Variants in MYH9 observed in about 807,000 individuals in gnomAD.
The protein encoded by MYH9 is myosin-9.
A neutral mutation model predicts 241.9 loss-of-function variants in MYH9; 29 were observed. The observed-to-expected ratio is 0.12, with a 90% CI of 0.09 to 0.16. MYH9 has a LOEUF of 0.16. MYH9 is among the 10% of genes least tolerant of loss of function. The pLI is 1.00. For missense variants in MYH9, 1,803 were observed against 2,595.5 expected (o/e 0.69, Z 6.63); for synonymous variants, 1,047 against 1,062.6 (o/e 0.99, Z 0.29).
At chr22:36,351,108 G>A (rs1052574340) in intron 1 of MYH9, among the ~76,000 whole-genome samples, 1 of 152,216 alleles carries the variant, frequency 6.6e-6, no homozygotes, top group Non-Finnish European at 1.5e-5. Flanking sequence ...CTTTTCATCT[G>A]GGCTCATTAG....
intron 1 of MYH9, among the ~76,000 whole-genome samples, chr22:36,372,100 C>T (rs2018098777): frequency 6.6e-6 from 1 of 152,070 alleles, no homozygotes; most frequent in Admixed American, 6.6e-5. Context: ...AAGTCACCCA[C>T]TCCCTGCCCC....
At chr22:36,360,335 T>A (rs1453629439) in intron 1 of MYH9, among the ~76,000 whole-genome samples, 3 of 151,860 alleles carry the variant, frequency 2.0e-5, no homozygotes, top group Non-Finnish European at 4.4e-5. Flanking sequence ...CGTGGCCGAG[T>A]AAGGATGGAA....
At chr22:36,337,008 C>T (rs2146380063) in intron 3 of MYH9, among the ~76,000 whole-genome samples, 1 of 152,358 alleles carries the variant, frequency 6.6e-6, no homozygotes, top group South Asian at 2.1e-4. Context: ...CGGCAGACAG[C>T]ACTAATCCAT....
At chr22:36,286,450 G>A (rs1162494403) in intron 35 of MYH9, among the ~76,000 whole-genome samples, 10 of 152,214 alleles carry the variant, frequency 6.6e-5, no homozygotes, top group Non-Finnish European at 8.8e-5. Context: ...TTCTCACCAG[G>A]CAGCATTCAC....
chr22:36,338,111 C>A (rs2017527386), intron 3 of MYH9, among the ~76,000 whole-genome samples: 1 of 152,070 alleles, frequency 6.6e-6, no homozygotes, highest in Admixed American at 6.6e-5. Flanking sequence ...AATTCTCATG[C>A]CTCAGCCTCC....
At chr22:36,310,804 A>G (rs2017050013) in intron 14 of MYH9, among the ~76,000 whole-genome samples, 1 of 152,214 alleles carries the variant, frequency 6.6e-6, no homozygotes, top group South Asian at 2.1e-4. Context: ...AAATAATCCC[A>G]CAGCAAAAGC....
At chr22:36,312,265 A>T in intron 13 of MYH9, 43 bp from the exon 14 acceptor site, 1 of 1,605,588 alleles carries the variant, frequency 6.2e-7, no homozygotes, top group Non-Finnish European at 8.5e-7. Context: ...GCACCCTGGG[A>T]GGGGCACCCC....
At chr22:36,323,432 C>T (rs1209628384) in intron 5 of MYH9, among the ~76,000 whole-genome samples, 6 of 152,226 alleles carry the variant, frequency 3.9e-5, no homozygotes, top group Non-Finnish European at 8.8e-5. Context: ...AGTTGGTTCC[C>T]CTTAATGCCT....
In MYH9 at chr22:36,289,193, C is replaced by T. The variant is rs146211660; in HGVS notation, c.4449G>A (p.Arg1483=). Residue 1483 remains arginine (R), a synonymous_variant, in exon 32 of 41, where the codon CGG becomes CGA. Transcript: ENST00000216181. ...TCTGCTCCATGGCTTCCTCCAGGGC[C>T]CGGGCCAGCGACAGAGCCTTGGTCT... ...EKETKALSLA[R]ALEEAMEQKA... is the part of the protein sequence containing the mutation. 3.1e-6 allele frequency: 5 copies of T among 1,613,460 alleles called. No homozygotes were observed. The African/African-American group carries it at 4.0e-5, about 13-fold the overall frequency.
intron 1 of MYH9, among the ~76,000 whole-genome samples, chr22:36,356,722 A>G (rs564003551): frequency 6.6e-6 from 1 of 152,242 alleles, no homozygotes; most frequent in South Asian, 2.1e-4. Context: ...TGACAAAGGC[A>G]TAAAGATCCC....
Position 36,320,692 on chromosome 22 carries a change from C to G in MYH9, c.868+106G>C. 1 of 1,008,894 alleles carries G rather than the reference C, an allele frequency of 9.9e-7. No homozygotes were observed. Among genetic ancestry groups the G allele is most frequent in the Non-Finnish European group, 1.5e-6 (1 of 658,228 alleles). The allele number at this position is 1,008,894 out of a possible 1,614,324, so 62.5% of individuals were successfully genotyped here. A position where few individuals can be genotyped will look rare whatever the true frequency, so the allele number is the denominator to read the frequency against. ...GTCACTCTCACTTCTCCCCGTTAAA[C>G]CCAAGGCCAAAAGTTTTCATTTCCC... On this transcript the variant is annotated intron_variant, in intron 8 of 40. Transcript: ENST00000216181. This position sits in a 1 kb window ranked among gnomAD's most constrained non-coding sequence, Gnocchi z 4.8.
In MYH9 at chr22:36,320,194, C is replaced by T. The variant is rs1467003226; in HGVS notation, c.1012+26G>A. The T allele has an allele frequency of 2.5e-6, 4 of 1,613,802 alleles. No individual in the cohort carries two copies. The highest frequency in any genetic ancestry group is 2.2e-5 in the East Asian group (1 of 44,896). On this transcript the variant is annotated intron_variant, in intron 9 of 40. Coordinates refer to ENST00000216181, the MANE Select transcript of MYH9 (RefSeq NM_002473.6). The surrounding 1 kb of genome is among the most constrained non-coding windows in gnomAD (Gnocchi z 4.8). ...TACCAGCCTTCCTCTGCCCCACACT[C>T]GACCATAGGAGGGCCAGCCCTGTAC...
chr22:36,349,074 T>C lies in MYH9; in HGVS notation c.163A>G (p.Ile55Val). The C allele has an allele frequency of 2.5e-6, 4 of 1,614,258 alleles. No homozygotes were observed. The East Asian group carries it at 6.7e-5, about 27-fold the overall frequency. The change falls in exon 2 of 41, where the codon ATC becomes GTC. Residue 55 changes from isoleucine to valine, a missense_variant. By Grantham distance (29) the Ile-to-Val change is conservative. Around this residue, in one of 11 missense-constraint regions of MYH9, gnomAD observed 75 missense variants for 79.1 expected, o/e 0.95. Coordinates refer to ENST00000216181, the MANE Select transcript of MYH9 (RefSeq NM_002473.6). ...TTCCCATTCTCCACCAGCTCCACGA[T>C]GGCCTCTTCGCCCACCTCCTCCTTG... ...SLKEEVGEEA[I>V]VELVENGKKV... is the part of the protein sequence containing the mutation.
intron 3 of MYH9, among the ~76,000 whole-genome samples, chr22:36,340,777 G>A (rs1366152301): frequency 2.0e-5 from 3 of 152,130 alleles, no homozygotes; most frequent in Non-Finnish European, 4.4e-5. Flanking sequence ...ATACATAGGT[G>A]ACCTCTGTTG....
rs746608314 is a variant in MYH9 at position 36,353,561 on chromosome 22, T to C, written c.-19-4306A>G. ...TTTTTAGTAGAGATGGGGTTTTAGGTCAGGCTGGTCTTGAACTCTTGACCT... is the reference window on the plus strand; with the variant it reads ...TTTTTAGTAGAGATGGGGTTTTAGGCCAGGCTGGTCTTGAACTCTTGACCT... On this transcript the variant is annotated intron_variant, in intron 1 of 40. Transcript: ENST00000216181. Among the ~76,000 whole-genome samples the C allele has an allele frequency of 8.8e-4, 134 of 152,178 alleles. 1 individual carries two copies. Among genetic ancestry groups the C allele is most frequent in the Non-Finnish European group, 1.5e-3 (102 of 67,982 alleles).
chr22:36,296,962 C>T lies in MYH9; in HGVS notation c.3153G>A (p.Arg1051=). The T allele has an allele frequency of 6.2e-7, 1 of 1,614,170 alleles. No individual in the cohort carries two copies. ...KQRQELEKTR[R]KLEGDSTDLS... ...GGTCTGTGGAGTCTCCCTCCAGCTTCCGGCGGGTCTTCTCCAGCTCCTGTC... is the reference window on the plus strand; with the variant it reads ...GGTCTGTGGAGTCTCCCTCCAGCTTTCGGCGGGTCTTCTCCAGCTCCTGTC... The change falls in exon 25 of 41, where the codon CGG becomes CGA. Residue 1051 remains arginine, a synonymous_variant. Transcript: ENST00000216181.
intron 1 of MYH9, among the ~76,000 whole-genome samples, chr22:36,383,050 A>T (rs989014167): frequency 2.0e-5 from 3 of 151,716 alleles, no homozygotes; most frequent in Non-Finnish European, 4.4e-5. Flanking sequence ...GCAAGATCCC[A>T]TCCCTACAAA....
chr22:36,314,428 C>T, intron 12 of MYH9, 110 bp from the exon 13 acceptor site: 1 of 1,334,304 alleles, frequency 7.5e-7, no homozygotes. Context: ...CCTCCTTGGG[C>T]ACCTCCATGC....
At chr22:36,370,314 A>G (rs2018070356) in intron 1 of MYH9, among the ~76,000 whole-genome samples, 1 of 152,208 alleles carries the variant, frequency 6.6e-6, no homozygotes, top group African/African-American at 2.4e-5. Context: ...AAAGAAATAA[A>G]GCCATCTACC....
Sources: allele counts gnomAD v4.1 joint callset (sites outside exome capture counted in the v4.1 genomes callset), GRCh38; gene constraint gnomAD v4.1.1; regional missense constraint gnomAD v4.1.1; non-coding constraint Gnocchi (gnomAD v3.1); transcripts MANE v1.5; gene names NCBI Gene and HGNC (gene_info 2026-07-23, HGNC 2026-07-21).